The following BCL2L13 variants were observed in gnomAD, a reference collection of about 807,000 sequenced individuals.
The protein encoded by BCL2L13 is bcl-2-like protein 13.
A neutral mutation model predicts 25.8 loss-of-function variants in BCL2L13; 13 were observed. That is an observed-to-expected ratio of 0.50 (90% CI 0.33 to 0.80). The LOEUF is 0.80. Ranked by LOEUF, BCL2L13 falls within the 30% of genes least tolerant of loss-of-function variation. The pLI is 0.02. For synonymous variants in BCL2L13, 244 were observed against 230.3 expected (o/e 1.06, Z -0.54); for missense variants, 504 against 574.9 (o/e 0.88, Z 1.26).
rs550603119 is a variant in BCL2L13 at position 17,678,472 on chromosome 22, C to T, written c.122-4742C>T. ...TCCTAGCCACCCAACCAGAAGATGA[C>T]GAGAGCACAGCCTGGATTAACGATT... is the stretch of plus-strand genomic sequence containing the variant. On this transcript the variant is annotated intron_variant, in intron 2 of 6. Coordinates refer to ENST00000317582, the MANE Select transcript of BCL2L13 (RefSeq NM_015367.4). Among the ~76,000 whole-genome samples the T allele has an allele frequency of 9.2e-5, 14 of 152,174 alleles. 2 individuals carry two copies. The highest frequency in any genetic ancestry group is 3.1e-4 in the African/African-American group (13 of 41,510).
At chr22:17,635,953 T>A (rs1025247163), upstream of BCL2L13, among the ~76,000 whole-genome samples, 2 of 148,924 alleles carry the variant, frequency 1.3e-5, no homozygotes, top group Non-Finnish European at 3.0e-5. Context: ...TCGTGATCCG[T>A]CCCCCTTGGC....
chr22:17,720,524 T>A (rs989254097), intron 6 of BCL2L13, among the ~76,000 whole-genome samples: 7 of 151,770 alleles, frequency 4.6e-5, no homozygotes, highest in Non-Finnish European at 1.0e-4. Context: ...GCCTGGCTAA[T>A]TTTTTTGTAT....
chr22:17,638,606 G>T, upstream of BCL2L13: 1 of 1,105,642 alleles, frequency 9.0e-7, no homozygotes. Context: ...GGGCGGGCTA[G>T]GAGGGTTTGG....
rs538605210 is a variant in BCL2L13 at position 17,638,807 on chromosome 22, C to T, written c.-130C>T. The T allele has an allele frequency of 1.6e-5, 20 of 1,231,956 alleles. No homozygotes were observed. In the East Asian group the frequency reaches 5.4e-4, roughly 33 times the overall value. The allele number at this position is 1,231,956 out of a possible 1,614,324, so 76.3% of individuals were successfully genotyped here. ...GATTAGGGCCGCGGGTCGGAGCACT[C>T]ACCGCCGCTGGGGGACCCTGTCGGA... On this transcript the variant is annotated 5_prime_UTR_variant, in exon 1 of 7. Transcript: ENST00000317582.
intron 4 of BCL2L13, among the ~76,000 whole-genome samples, chr22:17,693,372 GTTTTTTTT>G (rs869268984): frequency 2.8e-5 from 2 of 70,612 alleles, no homozygotes; most frequent in Non-Finnish European, 5.4e-5. Context: ...TTTAGTGTTT[GTTTTTTTT>G]TTTTTTTTTT....
chr22:17,712,899 T>G (rs190136676), intron 6 of BCL2L13, among the ~76,000 whole-genome samples: 1 of 152,192 alleles, frequency 6.6e-6, no homozygotes, highest in Non-Finnish European at 1.5e-5. Flanking sequence ...ACTGAAGTGA[T>G]TGTAAATATT....
chr22:17,708,843 A>C (rs773045450), intron 6 of BCL2L13, among the ~76,000 whole-genome samples: 1 of 152,216 alleles, frequency 6.6e-6, no homozygotes, highest in Non-Finnish European at 1.5e-5. Flanking sequence ...CTACTTGTAG[A>C]TATTATTCTT....
intron 6 of BCL2L13, among the ~76,000 whole-genome samples, chr22:17,712,931 T>C (rs2060803242): frequency 6.6e-6 from 1 of 152,196 alleles, no homozygotes; most frequent in Admixed American, 6.5e-5. Flanking sequence ...GCGATTTACC[T>C]TACAGTTAAT....
chr22:17,718,875 GC>G (rs973784523), intron 6 of BCL2L13, among the ~76,000 whole-genome samples: 40 of 151,916 alleles, frequency 2.6e-4, no homozygotes, highest in African/African-American at 9.4e-4. Flanking sequence ...AATTAAAAAC[GC>G]GGTCAGGTGT....
At position 17,651,845 on chromosome 22, in the gene BCL2L13, C is replaced by T. The variant is rs190685082; in HGVS notation, c.-50-3817C>T. 6.8e-3 allele frequency among the ~76,000 whole-genome samples: 1,039 copies of T among 152,034 alleles called. 9 individuals are homozygous for T. Among genetic ancestry groups the T allele is most frequent in the African/African-American group, 0.023 (951 of 41,436 alleles). ...AGCTGGGACTACAGGCGCCTGCCACCACGCCCGGCTAATTTTTTCTGTTTT... is the reference window on the plus strand; with the variant it reads ...AGCTGGGACTACAGGCGCCTGCCACTACGCCCGGCTAATTTTTTCTGTTTT... On this transcript the variant is annotated intron_variant, in intron 1 of 6. Transcript: ENST00000317582.
chr22:17,657,152 G>T lies in BCL2L13; in HGVS notation c.121+1320G>T, dbSNP rs1358471147. On this transcript the variant is annotated intron_variant, in intron 2 of 6. Transcript: ENST00000317582. ...TTAGAGATTCTCCGTCTTTGGTGGT[G>T]TTTCAAACTTAAACACATCTTAGTG... 2.0e-5 allele frequency among the ~76,000 whole-genome samples: 3 copies of T among 152,088 alleles called. No homozygotes were observed. In the South Asian group the frequency reaches 6.2e-4, roughly 32 times the overall value.
chr22:17,636,691 G>A (rs906933385), upstream of BCL2L13, among the ~76,000 whole-genome samples: 2 of 152,116 alleles, frequency 1.3e-5, no homozygotes, highest in South Asian at 2.1e-4. Flanking sequence ...AGCTACTCAG[G>A]AGGCTGAAGC....
At chr22:17,657,657 A>G (rs2587079) in intron 2 of BCL2L13, among the ~76,000 whole-genome samples, 50,986 of 151,182 alleles carry the variant, frequency 0.34, 9,347 homozygotes, top group African/African-American at 0.43. Flanking sequence ...GACTAGAGGC[A>G]CGTGCCACCA....
chr22:17,642,359 A>T (rs935407460), intron 1 of BCL2L13, among the ~76,000 whole-genome samples: 2 of 150,822 alleles, frequency 1.3e-5, no homozygotes, highest in Admixed American at 6.6e-5. Flanking sequence ...GGGTTTTGCC[A>T]TGTTGGCTAG....
intron 2 of BCL2L13, among the ~76,000 whole-genome samples, chr22:17,658,662 T>C (rs1213713173): frequency 4.0e-5 from 5 of 125,662 alleles, no homozygotes; most frequent in Non-Finnish European, 6.4e-5. Context: ...CCATTTGCAC[T>C]CCAGCTCTGG....
intron 2 of BCL2L13, among the ~76,000 whole-genome samples, chr22:17,666,610 T>C (rs1438238490): frequency 6.6e-6 from 1 of 151,766 alleles, no homozygotes; most frequent in Non-Finnish European, 1.5e-5. Context: ...TTTCTGTGCC[T>C]GGCTTATTTA....
At chr22:17,655,853 T>G in intron 2 of BCL2L13, 21 bp downstream of exon 2, 2 of 1,596,070 alleles carry the variant, frequency 1.3e-6, no homozygotes, top group Non-Finnish European at 1.7e-6. Context: ...TGGCTTATGG[T>G]GGTTATAGTA....
At position 17,726,808 on chromosome 22, in the gene BCL2L13, C is replaced by G. The variant is rs1297310017; in HGVS notation, c.732C>G (p.Thr244=). The change falls in exon 7 of 7, where the codon ACC becomes ACG. Residue 244 remains threonine, a synonymous_variant. Coordinates refer to ENST00000317582, the MANE Select transcript of BCL2L13 (RefSeq NM_015367.4). ...GTCCCCCAGAGTCTCCAACTGTGAC[C>G]ACTTCCTGGCAGTCTGAGAGCTTAC... ...QVSPPESPTV[T]TSWQSESLPV... The G allele has an allele frequency of 6.2e-7, 1 of 1,614,090 alleles. No individual in the cohort carries two copies. The highest frequency in any genetic ancestry group is 8.5e-7 in the Non-Finnish European group (1 of 1,180,062).
At chr22:17,720,170 C>CTTTCTTTCTTTCTTTCTTTCTTTT (rs1569014200) in intron 6 of BCL2L13, among the ~76,000 whole-genome samples, 1 of 150,950 alleles carries the variant, frequency 6.6e-6, no homozygotes, top group African/African-American at 2.5e-5. Flanking sequence ...TTCTTTCTTT[C>CTTTCTTTCTTTCTTTCTTTCTTTT]TTTCTTTCTT....
Sources: gnomAD v4.1 joint callset for allele counts (sites outside exome capture counted in the v4.1 genomes callset) on GRCh38, gnomAD v4.1.1 for gene constraint, MANE v1.5 for transcripts, NCBI Gene and HGNC (gene_info 2026-07-23, HGNC 2026-07-21) for gene names.